Variants in KATNA1 observed in about 807,000 individuals in gnomAD.
KATNA1 encodes the protein katanin catalytic subunit A1, also known as katanin p60 ATPase-containing subunit A1.
A neutral mutation model predicts 62.6 loss-of-function variants in KATNA1; 42 were observed. The ratio of observed to expected loss-of-function variants is 0.67; its 90% CI spans 0.52 to 0.87. KATNA1 has a LOEUF of 0.87. Among genes scored for constraint, KATNA1 ranks in the 40% least tolerant of loss-of-function variants. The probability of loss-of-function intolerance (pLI) is 0.00; values close to 1 mark genes in which losing one functional copy is unlikely to be tolerated. For missense variants in KATNA1, 498 were observed against 612.5 expected, an observed-to-expected ratio of 0.81 and a Z score of 1.97; for synonymous variants, 186 against 201.9, an observed-to-expected ratio of 0.92 and a Z score of 0.67.
intron 10 of KATNA1, among the ~76,000 whole-genome samples, chr6:149,595,984 T>G (rs1778294905): frequency 6.6e-6 from 1 of 152,244 alleles, no homozygotes; most frequent in Non-Finnish European, 1.5e-5. Context: ...AGAATGAGAC[T>G]GTATTCTGTG....
chr6:149,623,365 G>A (rs748575713), intron 3 of KATNA1, 82 bp from the exon 4 acceptor site: 1 of 981,314 alleles, frequency 1.0e-6, no homozygotes, highest in Non-Finnish European at 1.4e-6. Flanking sequence ...AAGAGTCTAT[G>A]AACTAAAGAA....
rs879907212 is a variant in KATNA1, at chr6:149,601,695, C to A, written c.787G>T (p.Ala263Ser). The change falls in exon 7 of 11, where the codon GCT becomes TCT. Residue 263 changes from alanine to serine, a missense_variant. Physicochemically the swap from Ala to Ser is moderately conservative, Grantham distance 99 (BLOSUM62 1). Coordinates refer to ENST00000367411, the MANE Select transcript of KATNA1 (RefSeq NM_007044.4). ...AAGAATGTTGTCTTGCATTCTGTAGCTACTGCTTTAGCAAGGAGCGTCTTC... is the reference window on the plus strand; with the variant it reads ...AAGAATGTTGTCTTGCATTCTGTAGATACTGCTTTAGCAAGGAGCGTCTTC... ...TGKTLLAKAVATECKTTFFNV... is the reference protein window; with the variant it reads ...TGKTLLAKAVSTECKTTFFNV... 1 of 1,612,642 alleles carries A rather than the reference C, an allele frequency of 6.2e-7. No individual in the cohort carries two copies. Among genetic ancestry groups the A allele is most frequent in the Non-Finnish European group, 8.5e-7 (1 of 1,179,630 alleles).
At chr6:149,597,261 T>C in intron 9 of KATNA1, 72 bp from the exon 10 acceptor site, 1 of 1,489,392 alleles carries the variant, frequency 6.7e-7, no homozygotes, top group Non-Finnish European at 9.1e-7. Context: ...TCAAATCTTC[T>C]TTGTGTGAGA....
intron 2 of KATNA1, among the ~76,000 whole-genome samples, chr6:149,637,006 T>G (rs1207370850): frequency 2.0e-5 from 3 of 151,888 alleles, no homozygotes; most frequent in African/African-American, 7.3e-5. Context: ...AATACCACCC[T>G]CCACTGGACC....
intron 10 of KATNA1, among the ~76,000 whole-genome samples, chr6:149,596,283 T>C (rs1778306911): frequency 6.6e-6 from 1 of 152,120 alleles, no homozygotes; most frequent in Non-Finnish European, 1.5e-5. Context: ...GCCTGTAATC[T>C]TAGCATTTTG....
intron 1 of KATNA1, among the ~76,000 whole-genome samples, chr6:149,645,456 C>CAAAAAAAAAAAAA (rs201041700): frequency 3.2e-5 from 4 of 123,792 alleles, no homozygotes; most frequent in Non-Finnish European, 5.3e-5. Context: ...AAACAAAAAA[C>CAAAAAAAAAAAAA]AAAAAAAAAA....
In KATNA1 at chr6:149,595,201, A is replaced by G. The variant is rs1244720240; in HGVS notation, c.1311T>C (p.Ile437=). 1 of 1,614,108 alleles carries G rather than the reference A, an allele frequency of 6.2e-7. No individual in the cohort carries two copies. The highest frequency in any genetic ancestry group is 1.3e-5 in the African/African-American group (1 of 75,052). The part of the protein sequence containing the change: ...DASLMAMRRR[I]EGLTPEEIRN... ...GGATTTCCTCTGGAGTCAAACCTTC[A>G]ATGCGCCTTCTCATTGCCATCAAGG... Residue 437 remains isoleucine (I), a synonymous_variant, in exon 11 of 11, where the codon ATT becomes ATC. Transcript: ENST00000367411.
chr6:149,644,954 C>T (rs983518420), intron 1 of KATNA1, among the ~76,000 whole-genome samples: 13 of 152,118 alleles, frequency 8.5e-5, no homozygotes, highest in Admixed American at 3.9e-4. Context: ...AATTGTTAGC[C>T]GAAAATAATT....
At chr6:149,647,094 C>T (rs1199667839) in intron 1 of KATNA1, among the ~76,000 whole-genome samples, 1 of 151,474 alleles carries the variant, frequency 6.6e-6, no homozygotes, top group Non-Finnish European at 1.5e-5. Flanking sequence ...TATAAAGAAG[C>T]TTTATATAGC....
At position 149,638,408 on chromosome 6, in the gene KATNA1, T is replaced by A; in HGVS notation, c.140A>T (p.Tyr47Phe). ...CACCTGTTGCCATTTCTGCTGGAGG[T>A]ATGTATCTTTGACTGAGTACAGATA... is the stretch of plus-strand genomic sequence containing the variant. ...NKYLYSVKDTYLQQKWQQVWQ... is the reference protein window; with the variant it reads ...NKYLYSVKDTFLQQKWQQVWQ... Residue 47 changes from tyrosine (Y) to phenylalanine (F), a missense_variant, in exon 2 of 11, where the codon TAC becomes TTC. Transcript: ENST00000367411. The A allele has an allele frequency of 6.2e-7, 1 of 1,613,622 alleles. No individual in the cohort carries two copies. Among genetic ancestry groups the A allele is most frequent in the Non-Finnish European group, 8.5e-7 (1 of 1,179,862 alleles).
chr6:149,636,808 T>A (rs1384483040), intron 2 of KATNA1, among the ~76,000 whole-genome samples: 1 of 151,540 alleles, frequency 6.6e-6, no homozygotes, highest in South Asian at 2.1e-4. Context: ...ACCCAGCTAA[T>A]TTTTTTGTAT....
chr6:149,608,231 C>T lies in KATNA1; in HGVS notation c.502-3449G>A, dbSNP rs75972382. Among the ~76,000 whole-genome samples the T allele has an allele frequency of 2.0e-4, 30 of 152,246 alleles. No individual in the cohort carries two copies. In the East Asian group the frequency reaches 4.8e-3, roughly 25 times the overall value. Reference sequence around the variant, plus strand: ...TCTTCTGCTAAACAGAGCTAAAACCCTTGGGTATTATACATACCACAAACA... The same window carrying T: ...TCTTCTGCTAAACAGAGCTAAAACCTTTGGGTATTATACATACCACAAACA... On this transcript the variant is annotated intron_variant, in intron 4 of 10. Coordinates refer to ENST00000367411, the MANE Select transcript of KATNA1 (RefSeq NM_007044.4).
intron 8 of KATNA1, chr6:149,597,994 A>G: frequency 1.9e-6 from 1 of 515,054 alleles, no homozygotes; most frequent in Non-Finnish European, 3.4e-6. Flanking sequence ...ATATACCAAA[A>G]GGGTGCCCTG....
chr6:149,615,206 G>A (rs1247250539), intron 4 of KATNA1, among the ~76,000 whole-genome samples: 2 of 145,054 alleles, frequency 1.4e-5, no homozygotes, highest in Non-Finnish European at 3.0e-5. Context: ...TTTTTGTTTT[G>A]ATTTTTTTTT....
chr6:149,595,081 G>A lies in KATNA1; in HGVS notation c.1431C>T (p.Asp477=). 6.2e-7 allele frequency: 1 copy of A among 1,614,040 alleles called. No individual in the cohort carries two copies. Among genetic ancestry groups the A allele is most frequent in the Non-Finnish European group, 8.5e-7 (1 of 1,179,962 alleles). Residue 477 remains aspartate, a synonymous_variant, in exon 11 of 11, where the codon GAC becomes GAT. Coordinates refer to ENST00000367411, the MANE Select transcript of KATNA1 (RefSeq NM_007044.4). ...ATATCCATTTCTCGTATCTTTCAATGTCTGCAGCAGACACTGACTTAGAAA... is the reference window on the plus strand; with the variant it reads ...ATATCCATTTCTCGTATCTTTCAATATCTGCAGCAGACACTGACTTAGAAA... ...KKVSKSVSAA[D]IERYEKWIFE... is the part of the protein sequence containing the mutation.
At chr6:149,611,973 C>G (rs962772543) in intron 4 of KATNA1, among the ~76,000 whole-genome samples, 3 of 151,976 alleles carry the variant, frequency 2.0e-5, no homozygotes, top group African/African-American at 4.8e-5. Context: ...GCACTCCAGC[C>G]TGGGCGACAA....
intron 7 of KATNA1, among the ~76,000 whole-genome samples, 171 bp from the exon 8 acceptor site, chr6:149,598,521 G>A (rs143289542): frequency 2.1e-3 from 317 of 152,082 alleles, no homozygotes; most frequent in African/African-American, 7.3e-3. Context: ...CCAAGAGTTC[G>A]AGACCAGCCT....
At chr6:149,613,206 A>AAAAAAAAAAAAAAAAAAAAAAAAAT (rs1779031093) in intron 4 of KATNA1, among the ~76,000 whole-genome samples, 2 of 142,760 alleles carry the variant, frequency 1.4e-5, no homozygotes, top group African/African-American at 5.3e-5. Context: ...AAAAAAAAAA[A>AAAAAAAAAAAAAAAAAAAAAAAAAT]AAAAAAAAAA....
chr6:149,608,701 C>G (rs953276276), intron 4 of KATNA1, among the ~76,000 whole-genome samples: 2 of 152,326 alleles, frequency 1.3e-5, no homozygotes, highest in South Asian at 2.1e-4. Flanking sequence ...TTCTCTCCCC[C>G]ACCCCTCCCC....
Sources: gnomAD v4.1 joint callset for allele counts (sites outside exome capture counted in the v4.1 genomes callset) on GRCh38, gnomAD v4.1.1 for gene constraint, MANE v1.5 for transcripts, NCBI Gene and HGNC (gene_info 2026-07-23, HGNC 2026-07-21) for gene names.